Variants in CDKL3 observed in about 807,000 individuals in gnomAD.
CDKL3 encodes the protein cyclin dependent kinase like 3.
In CDKL3, 65 loss-of-function variants were observed where a neutral mutation model predicts 69.3. The observed-to-expected ratio is 0.94, with a 90% confidence interval of 0.77 to 1.15. CDKL3 has a LOEUF of 1.15. CDKL3 is among the 50% of genes most tolerant of loss of function. CDKL3 has a pLI of 0.00. For synonymous variants in CDKL3, 202 were observed against 221.6 expected (o/e 0.91, Z 0.79); for missense variants, 652 against 689.2 (o/e 0.95, Z 0.61).
At chr5:134,334,903 G>C (rs546459117) in intron 4 of CDKL3, among the ~76,000 whole-genome samples, 1 of 152,136 alleles carries the variant, frequency 6.6e-6, no homozygotes, top group African/African-American at 2.4e-5. Context: ...GTCTGATATT[G>C]ACCGTGGGGT....
chr5:134,354,598 T>C (rs770164357), intron 3 of CDKL3, among the ~76,000 whole-genome samples: 3 of 152,232 alleles, frequency 2.0e-5, no homozygotes, highest in Non-Finnish European at 2.9e-5. Flanking sequence ...CCAGGCACTA[T>C]TCCAAGACCT....
intron 2 of CDKL3, among the ~76,000 whole-genome samples, chr5:134,365,446 A>T (rs1048045307): frequency 6.6e-6 from 1 of 151,878 alleles, no homozygotes; most frequent in Admixed American, 6.6e-5. Flanking sequence ...TGTTTTTTAC[A>T]ATACAGCATG....
At chr5:134,291,476 G>T (rs544864039) in intron 8 of CDKL3, among the ~76,000 whole-genome samples, 3 of 152,094 alleles carry the variant, frequency 2.0e-5, no homozygotes, top group African/African-American at 7.2e-5. Flanking sequence ...CTATTATTAA[G>T]AGAAACTAAC....
chr5:134,288,669 T>G (rs1335107840), intron 8 of CDKL3, among the ~76,000 whole-genome samples: 2 of 152,202 alleles, frequency 1.3e-5, no homozygotes, highest in Non-Finnish European at 2.9e-5. Flanking sequence ...TTCTTCATCC[T>G]TGAAGAAGAC....
chr5:134,360,396 G>C (rs1299759495), intron 2 of CDKL3, among the ~76,000 whole-genome samples: 4 of 149,434 alleles, frequency 2.7e-5, no homozygotes, highest in Admixed American at 6.7e-5. Context: ...GTAGAAACAG[G>C]GTTTCACCAT....
intron 4 of CDKL3, among the ~76,000 whole-genome samples, chr5:134,327,828 C>G (rs1227086985): frequency 6.6e-6 from 1 of 152,060 alleles, no homozygotes; most frequent in Non-Finnish European, 1.5e-5. Context: ...CTAGGAGTAG[C>G]CAGGGAAAGA....
In CDKL3 at chr5:134,321,911, A is replaced by G. The variant is rs777492160; in HGVS notation, c.540-8T>C. On this transcript the variant is annotated splice_polypyrimidine_tract_variant and splice_region_variant and intron_variant, in intron 4 of 12. Coordinates refer to ENST00000265334, the MANE Select transcript of CDKL3 (RefSeq NM_001113575.2). ...GCCCAGATATCCACAGGTCTGAAAC[A>G]GATCAGGGAAAAAAAAATCACTTTT... The G allele has an allele frequency of 6.9e-7, 1 of 1,458,428 alleles. No individual in the cohort carries two copies. Among genetic ancestry groups the G allele is most frequent in the Non-Finnish European group, 9.4e-7 (1 of 1,061,692 alleles). The allele number at this position is 1,458,428 out of a possible 1,614,324, so 90.3% of individuals were successfully genotyped here.
intron 4 of CDKL3, among the ~76,000 whole-genome samples, chr5:134,333,153 G>A (rs1776218431): frequency 6.6e-6 from 1 of 152,186 alleles, no homozygotes; most frequent in African/African-American, 2.4e-5. Flanking sequence ...TGTGATTTTT[G>A]CACATTGATT....
intron 11 of CDKL3, among the ~76,000 whole-genome samples, chr5:134,303,369 G>A (rs1021707012): frequency 2.0e-5 from 3 of 152,048 alleles, no homozygotes; most frequent in Non-Finnish European, 2.9e-5. Context: ...GAGCCACTGT[G>A]CCCAGCCTAT....
chr5:134,371,383 T>C (rs1758386989), upstream of CDKL3: 2 of 675,556 alleles, frequency 3.0e-6, no homozygotes, highest in Non-Finnish European at 2.5e-6. Context: ...CGCCCCCTCC[T>C]CCCCCAGCAC....
chr5:134,319,243 A>G, intron 6 of CDKL3, 115 bp downstream of exon 6: 1 of 710,238 alleles, frequency 1.4e-6, no homozygotes, highest in Non-Finnish European at 2.1e-6. Context: ...AGGCAGGAGA[A>G]TCTCATGACC....
At chr5:134,334,253 C>T (rs1776511634) in intron 4 of CDKL3, among the ~76,000 whole-genome samples, 2 of 152,232 alleles carry the variant, frequency 1.3e-5, no homozygotes, top group South Asian at 4.1e-4. Flanking sequence ...TTCAAAAAAC[C>T]AGCTCCTGGA....
At position 134,346,776 on chromosome 5, in the gene CDKL3, A is replaced by T. The variant is rs182335223; in HGVS notation, c.539+3473T>A. Among the ~76,000 whole-genome samples, 4 of 152,266 alleles carry T rather than the reference A, an allele frequency of 2.6e-5. No homozygotes were observed. In the East Asian group the frequency reaches 7.7e-4, roughly 29 times the overall value. On this transcript the variant is annotated intron_variant, in intron 4 of 12. Coordinates refer to ENST00000265334, the MANE Select transcript of CDKL3 (RefSeq NM_001113575.2). ...CTCCCAAAGTGCTGGGATTACAGGC[A>T]TGAGCCACCGTGCCCAGCCGGGAAA...
chr5:134,363,927 C>T (rs1321532902), intron 2 of CDKL3, among the ~76,000 whole-genome samples: 1 of 139,206 alleles, frequency 7.2e-6, no homozygotes, highest in Non-Finnish European at 1.5e-5. Context: ...CACTGCGCTG[C>T]AGCCTGGGCA....
intron 4 of CDKL3, among the ~76,000 whole-genome samples, chr5:134,341,888 A>G (rs1253347720): frequency 6.6e-6 from 1 of 152,242 alleles, no homozygotes; most frequent in African/African-American, 2.4e-5. Flanking sequence ...TGTGGGCCCT[A>G]CATAAATCAG....
chr5:134,323,262 A>G (rs759539834), intron 4 of CDKL3, among the ~76,000 whole-genome samples: 6 of 152,230 alleles, frequency 3.9e-5, no homozygotes, highest in Non-Finnish European at 8.8e-5. Context: ...AGCCAAATTT[A>G]GTCATTTCAC....
In CDKL3 at chr5:134,312,365, C is replaced by T. The variant is rs1174383376; in HGVS notation, c.808G>A (p.Asp270Asn). The change falls in exon 7 of 13, where the codon GAT becomes AAT. Residue 270 changes from aspartate to asparagine, a missense_variant. Physicochemically the swap from Asp to Asn is conservative, Grantham distance 23. Transcript: ENST00000265334. Reference sequence around the variant, plus strand: ...CTAGATGATATCCTGTCAGCAGGATCAATTTGTAAACAAGCCTAGGAAAGG... The same window carrying T: ...CTAGATGATATCCTGTCAGCAGGATTAATTTGTAAACAAGCCTAGGAAAGG... ...ADIVHACLQI[D>N]PADRISSSDL... The T allele has an allele frequency of 1.6e-5, 26 of 1,590,362 alleles. No individual in the cohort carries two copies. In the African/African-American group the frequency reaches 2.3e-4, roughly 14 times the overall value.
At chr5:134,365,726 T>C (rs1757245544) in intron 2 of CDKL3, among the ~76,000 whole-genome samples, 1 of 152,210 alleles carries the variant, frequency 6.6e-6, no homozygotes, top group Non-Finnish European at 1.5e-5. Flanking sequence ...TATACCTCTT[T>C]CCAATTCTGC....
At chr5:134,343,713 C>A (rs1187983026) in intron 4 of CDKL3, among the ~76,000 whole-genome samples, 3 of 152,094 alleles carry the variant, frequency 2.0e-5, no homozygotes, top group Admixed American at 6.5e-5. Flanking sequence ...CGCCCCAGAC[C>A]CAGGAAGTGA....
Sources: gnomAD v4.1 joint callset for allele counts (sites outside exome capture counted in the v4.1 genomes callset) on GRCh38, gnomAD v4.1.1 for gene constraint, MANE v1.5 for transcripts, NCBI Gene and HGNC (gene_info 2026-07-23, HGNC 2026-07-21) for gene names.